LSM12: variants seen among roughly 807,000 people sequenced by gnomAD.
LSM12 encodes the protein protein LSM12.
For synonymous variants in LSM12, 74 were observed against 87.3 expected (o/e 0.85, Z 0.85); for missense variants, 108 against 238.9 (o/e 0.45, Z 3.61).
chr17:44,061,371 T>G (rs1429874063), intron 2 of LSM12, among the ~76,000 whole-genome samples: 1 of 152,002 alleles, frequency 6.6e-6, no homozygotes, highest in South Asian at 2.1e-4. Flanking sequence ...GTCTTAAAAT[T>G]TCATGAGCTT....
chr17:44,038,036 G>C (rs1292823883), intron 3 of LSM12, among the ~76,000 whole-genome samples: 2 of 152,114 alleles, frequency 1.3e-5, no homozygotes, highest in Admixed American at 6.6e-5. Context: ...GGCCTAGGGA[G>C]AAATACCACC....
intron 2 of LSM12, among the ~76,000 whole-genome samples, chr17:44,042,632 T>G (rs868804526): frequency 6.7e-6 from 1 of 150,364 alleles, no homozygotes. Flanking sequence ...TGGCGCAAGC[T>G]CTGCTCACTG....
intron 2 of LSM12, among the ~76,000 whole-genome samples, chr17:44,055,373 G>A (rs1481489278): frequency 7.3e-5 from 11 of 151,622 alleles, no homozygotes; most frequent in African/African-American, 2.7e-4. Context: ...GTCAAGATAT[G>A]ACAAAGGGCC....
At chr17:44,041,599 A>G (rs1340830379) in intron 2 of LSM12, among the ~76,000 whole-genome samples, 7 of 152,212 alleles carry the variant, frequency 4.6e-5, no homozygotes, top group Non-Finnish European at 1.0e-4. Flanking sequence ...TCTGAATTCT[A>G]CGTCATGTCT....
intron 2 of LSM12, among the ~76,000 whole-genome samples, chr17:44,059,390 G>A (rs1408510122): frequency 1.3e-5 from 2 of 151,604 alleles, no homozygotes; most frequent in African/African-American, 4.9e-5. Context: ...GGAGTTCAAG[G>A]CCAGCCTGGT....
intron 2 of LSM12, among the ~76,000 whole-genome samples, chr17:44,061,682 A>G (rs548439192): frequency 6.6e-6 from 1 of 152,338 alleles, no homozygotes; most frequent in Admixed American, 6.5e-5. Context: ...TACAGAACAC[A>G]CCACATTCCC....
At chr17:44,056,852 G>C (rs571793730) in intron 2 of LSM12, among the ~76,000 whole-genome samples, 13 of 151,810 alleles carry the variant, frequency 8.6e-5, no homozygotes, top group Non-Finnish European at 1.5e-4. Flanking sequence ...TTAGCCAGGT[G>C]GGGTGGCACA....
Position 44,066,614 on chromosome 17 carries a change from C to T in LSM12, c.-27G>A, listed in dbSNP as rs2049882717. 4 of 1,323,684 alleles carry T rather than the reference C, an allele frequency of 3.0e-6. No individual in the cohort carries two copies. Among genetic ancestry groups the T allele is most frequent in the Non-Finnish European group, 3.9e-6 (4 of 1,033,068 alleles). 82.0% of individuals were successfully genotyped at this position (1,323,684 alleles called of 1,614,324 possible). A position where few individuals can be genotyped will look rare whatever the true frequency, so the allele number is the denominator to read the frequency against. ...TTGGGAGTGCAGCCGCGGCCGGCGG[C>T]GGCGGCGGCAGCAGCGGGCGAAAGC... On this transcript the variant is annotated 5_prime_UTR_variant, in exon 1 of 5. Coordinates refer to ENST00000293406, the MANE Select transcript of LSM12 (RefSeq NM_001371445.1).
chr17:44,061,317 C>CAA (rs11306333), intron 2 of LSM12, among the ~76,000 whole-genome samples: 1 of 96,060 alleles, frequency 1.0e-5, no homozygotes, highest in African/African-American at 3.8e-5. Flanking sequence ...AACTCCATCT[C>CAA]AAAAAAAAAA....
intron 2 of LSM12, among the ~76,000 whole-genome samples, chr17:44,058,410 C>T (rs941329115): frequency 1.3e-5 from 2 of 151,892 alleles, no homozygotes; most frequent in African/African-American, 2.4e-5. Flanking sequence ...TACTTAGAAA[C>T]GTTACCTAGG....
At chr17:44,054,363 G>A (rs1437966184) in intron 2 of LSM12, among the ~76,000 whole-genome samples, 1 of 152,304 alleles carries the variant, frequency 6.6e-6, no homozygotes, top group East Asian at 1.9e-4. Context: ...CCAGGCTGGA[G>A]TACAGTGGCA....
rs568556040 is a variant in LSM12, at chr17:44,041,006, A to T, written c.259-750T>A. ...AAAACAAAACAAAACCAAACAAAAA[A>T]AAATACATACACATACACACACACA... On this transcript the variant is annotated intron_variant, in intron 2 of 4. Transcript: ENST00000293406. Among the ~76,000 whole-genome samples, 27 of 150,626 alleles carry T rather than the reference A, an allele frequency of 1.8e-4. 1 individual carries two copies. In the South Asian group the frequency reaches 5.6e-3, roughly 31 times the overall value.
In LSM12 at chr17:44,035,718, G is replaced by C. The variant is rs1405341629; in HGVS notation, c.*490C>G. ...AAGAAAAAAGAAAAAAAAAGGAAAA[G>C]AAAACAAAAATTTAAAGTGAGACGT... On this transcript the variant is annotated 3_prime_UTR_variant, in exon 5 of 5. Coordinates refer to ENST00000293406, the MANE Select transcript of LSM12 (RefSeq NM_001371445.1). 2 of 131,386 alleles carry C rather than the reference G, an allele frequency of 1.5e-5. No individual in the cohort carries two copies. The highest frequency in any genetic ancestry group is 2.8e-5 in the African/African-American group (1 of 35,670). The allele number at this position is 131,386 out of a possible 1,614,324, so 8.1% of individuals were successfully genotyped here.
chr17:44,061,596 C>T (rs1185940290), intron 2 of LSM12, among the ~76,000 whole-genome samples: 1 of 152,166 alleles, frequency 6.6e-6, no homozygotes, highest in Admixed American at 6.5e-5. Flanking sequence ...TCTGAGGTAA[C>T]GACATTCACT....
chr17:44,049,444 C>CT (rs1473643806), intron 2 of LSM12, among the ~76,000 whole-genome samples: 1 of 151,834 alleles, frequency 6.6e-6, no homozygotes, highest in African/African-American at 2.4e-5. Context: ...CACCCAGCTA[C>CT]TTTTTTTTAT....
chr17:44,063,929 G>C lies in LSM12; in HGVS notation c.130C>G (p.Pro44Ala). 1 of 1,612,328 alleles carries C rather than the reference G, an allele frequency of 6.2e-7. No homozygotes were observed. Among genetic ancestry groups the C allele is most frequent in the Non-Finnish European group, 8.5e-7 (1 of 1,179,376 alleles). The change falls in exon 2 of 5, where the codon CCC becomes GCC. Residue 44 changes from proline (P) to alanine (A), a missense_variant. Physicochemically the swap from Pro to Ala is conservative, Grantham distance 27. Transcript: ENST00000293406. ...TGGTTGGGCTTTCCACTGGAAGAGG[G>C]ACATTCTGGTGAGAAAAAAAAAAGT... ...YQSKMLALKC[P>A]SSSGKPNHAD...
rs185299194 is a variant in LSM12, at chr17:44,065,810, C to T, written c.124+654G>A. 2.9e-3 allele frequency among the ~76,000 whole-genome samples: 440 copies of T among 152,210 alleles called. 1 individual carries two copies. Among genetic ancestry groups the T allele is most frequent in the African/African-American group, 8.9e-3 (369 of 41,534 alleles). On this transcript the variant is annotated intron_variant, in intron 1 of 4. Transcript: ENST00000293406. Reference sequence around the variant, plus strand: ...CTCTGGAACAGGTTTCCAGTGCAAACATCCCCTAAACAGCAACTTCCAAAT... The same window carrying T: ...CTCTGGAACAGGTTTCCAGTGCAAATATCCCCTAAACAGCAACTTCCAAAT...
chr17:44,066,445 T>G lies in LSM12; in HGVS notation c.124+19A>C, dbSNP rs1172254925. On this transcript the variant is annotated intron_variant, in intron 1 of 4. Transcript: ENST00000293406. The stretch of plus-strand genomic sequence containing the variant: ...CCTACACGCCGGCCCGGACTCGGGC[T>G]TCACGCAGGGAAGGATACTTAAAGC... 3 of 1,553,888 alleles carry G rather than the reference T, an allele frequency of 1.9e-6. No individual in the cohort carries two copies. The South Asian group carries it at 3.5e-5, about 18-fold the overall frequency.
At chr17:44,055,634 A>G (rs2049701726) in intron 2 of LSM12, among the ~76,000 whole-genome samples, 1 of 149,204 alleles carries the variant, frequency 6.7e-6, no homozygotes, top group African/African-American at 2.5e-5. Context: ...CAGAGATCAC[A>G]CCACTGCACT....
Sources: allele counts gnomAD v4.1 joint callset (sites outside exome capture counted in the v4.1 genomes callset), GRCh38; gene constraint gnomAD v4.1.1; transcripts MANE v1.5; gene names NCBI Gene and HGNC (gene_info 2026-07-23, HGNC 2026-07-21).